The following NBAS variants were observed in gnomAD, a reference collection of about 807,000 sequenced individuals.
NBAS encodes the protein NBAS subunit of NRZ tethering complex, also known as NAG/BC035112 fusion.
A neutral mutation model predicts 302.5 loss-of-function variants in NBAS; 219 were observed. That is an observed-to-expected ratio of 0.72 (90% confidence interval 0.65 to 0.81). The LOEUF (loss-of-function observed/expected upper bound fraction) is 0.81. NBAS is among the 30% of genes least tolerant of loss of function. The pLI is 0.00. For missense variants in NBAS, 2,932 were observed against 2,841.6 expected (o/e 1.03, Z -0.72); for synonymous variants, 1,118 against 1,021.6 (o/e 1.09, Z -1.80).
chr2:15,558,555 C>G, intron 2 of NBAS, 25 bp downstream of exon 2: 1 of 1,598,090 alleles, frequency 6.3e-7, no homozygotes, highest in Non-Finnish European at 8.6e-7. Context: ...CATATCATTA[C>G]TGTAGAGAAA....
At chr2:14,982,310 G>A in the NBAS span, among the ~76,000 whole-genome samples, 58 of 152,246 alleles carry the variant, frequency 3.8e-4, 1 homozygote, top group South Asian at 9.3e-3. Flanking sequence ...ACTAGCACAC[G>A]GCACAGAAGA....
intron 51 of NBAS, among the ~76,000 whole-genome samples, chr2:15,171,687 C>T (rs1558406470): frequency 2.0e-5 from 3 of 152,172 alleles, no homozygotes; most frequent in Non-Finnish European, 2.9e-5. Flanking sequence ...TGTCGAAGCC[C>T]TTACCCTCAG....
the NBAS span, among the ~76,000 whole-genome samples, chr2:14,798,935 G>C: frequency 6.6e-6 from 1 of 151,974 alleles, no homozygotes; most frequent in Non-Finnish European, 1.5e-5. Flanking sequence ...CCTGATATTA[G>C]TAATTTGTAT....
chr2:14,858,732 G>A, the NBAS span, among the ~76,000 whole-genome samples: 2 of 151,956 alleles, frequency 1.3e-5, no homozygotes, highest in African/African-American at 4.8e-5. Context: ...TGCTTAGAAA[G>A]ATTGAATAAG....
intron 42 of NBAS, among the ~76,000 whole-genome samples, chr2:15,283,769 A>C (rs1244459798): frequency 6.6e-6 from 1 of 152,220 alleles, no homozygotes; most frequent in Non-Finnish European, 1.5e-5. Flanking sequence ...CCTGTAACCC[A>C]GAAAACAGCG....
At chr2:15,058,768 A>G in the NBAS span, among the ~76,000 whole-genome samples, 3 of 152,160 alleles carry the variant, frequency 2.0e-5, no homozygotes, top group Non-Finnish European at 4.4e-5. Context: ...GGGAATCTCC[A>G]CTTTCCCTCC....
At chr2:15,278,428 T>G (rs1178727220) in intron 42 of NBAS, among the ~76,000 whole-genome samples, 2 of 152,212 alleles carry the variant, frequency 1.3e-5, no homozygotes, top group East Asian at 3.8e-4. Context: ...GTAACGTATT[T>G]TAAGTACTTA....
At chr2:15,557,081 G>C (rs1664679497) in intron 2 of NBAS, among the ~76,000 whole-genome samples, 1 of 152,088 alleles carries the variant, frequency 6.6e-6, no homozygotes, top group Non-Finnish European at 1.5e-5. Context: ...AATAAAAGCA[G>C]TTTGAGATGT....
the NBAS span, among the ~76,000 whole-genome samples, chr2:14,797,844 C>A: frequency 6.6e-6 from 1 of 152,194 alleles, no homozygotes; most frequent in Non-Finnish European, 1.5e-5. Flanking sequence ...AGGTCTCTGG[C>A]TGGTGAAGTA....
intron 44 of NBAS, among the ~76,000 whole-genome samples, chr2:15,253,551 C>T (rs749163661): frequency 5.3e-5 from 8 of 152,116 alleles, no homozygotes; most frequent in South Asian, 2.1e-4. Context: ...CCAACAGGGA[C>T]GCAGGCACAG....
intron 38 of NBAS, among the ~76,000 whole-genome samples, chr2:15,320,602 T>C (rs780041763): frequency 6.6e-6 from 1 of 151,920 alleles, no homozygotes; most frequent in Non-Finnish European, 1.5e-5. Flanking sequence ...TACACACCAA[T>C]AACAGACAAA....
chr2:15,251,157 G>A (rs569756471), intron 44 of NBAS, among the ~76,000 whole-genome samples: 3 of 152,268 alleles, frequency 2.0e-5, no homozygotes, highest in African/African-American at 7.2e-5. Context: ...GTCCTTTGCA[G>A]GGCCATGAAT....
At chr2:15,379,574 C>A in intron 30 of NBAS, 28 bp downstream of exon 30, 3 of 1,601,740 alleles carry the variant, frequency 1.9e-6, no homozygotes, top group East Asian at 2.2e-5. Flanking sequence ...CCCCCTCCAT[C>A]TTAGGGAAGA....
intron 38 of NBAS, among the ~76,000 whole-genome samples, chr2:15,325,618 A>G (rs1184502663): frequency 1.3e-5 from 2 of 152,196 alleles, no homozygotes; most frequent in East Asian, 3.8e-4. Flanking sequence ...CCTGTTCTGG[A>G]TTACACTTTG....
intron 28 of NBAS, among the ~76,000 whole-genome samples, chr2:15,384,528 C>T (rs1447855763): frequency 3.3e-5 from 5 of 149,858 alleles, no homozygotes; most frequent in Non-Finnish European, 5.9e-5. Flanking sequence ...GAAAAGACCC[C>T]CCCCCCATTT....
At chr2:14,913,570 T>C in the NBAS span, among the ~76,000 whole-genome samples, 2 of 147,608 alleles carry the variant, frequency 1.4e-5, no homozygotes, top group African/African-American at 5.4e-5. Flanking sequence ...ATATTTCATC[T>C]CTATCCTGAG....
chr2:15,278,474 T>A (rs569673525), intron 42 of NBAS, among the ~76,000 whole-genome samples: 2 of 152,332 alleles, frequency 1.3e-5, no homozygotes, highest in South Asian at 4.1e-4. Context: ...ACTGTGCTGC[T>A]TGATGGCACA....
intron 26 of NBAS, chr2:15,397,900 T>G: frequency 5.6e-6 from 1 of 178,240 alleles, no homozygotes; most frequent in South Asian, 1.3e-4. Flanking sequence ...ACCCTCATTA[T>G]TTTTAAAACT....
At chr2:15,253,911 CA>C (rs1343646366) in intron 44 of NBAS, among the ~76,000 whole-genome samples, 3 of 152,118 alleles carry the variant, frequency 2.0e-5, no homozygotes, top group African/African-American at 7.2e-5. Context: ...AGCTGTCAGA[CA>C]TTTAGTTTAT....
Sources: allele counts gnomAD v4.1 joint callset (sites outside exome capture counted in the v4.1 genomes callset), GRCh38; gene constraint gnomAD v4.1.1; transcripts MANE v1.5; gene names NCBI Gene and HGNC (gene_info 2026-07-23, HGNC 2026-07-21).